Variants in FNBP1 observed in about 807,000 individuals in gnomAD.
The protein encoded by FNBP1 is formin binding protein 1.
FNBP1 carries 26 observed loss-of-function variants against 90.6 expected under a neutral mutation model. The ratio of observed to expected loss-of-function variants is 0.29; its 90% CI spans 0.21 to 0.40. The LOEUF (loss-of-function observed/expected upper bound fraction) is 0.40. Ranked by LOEUF, FNBP1 falls within the 10% of genes least tolerant of loss-of-function variation. The pLI is 1.00. For synonymous variants in FNBP1, 260 were observed against 265.2 expected, an observed-to-expected ratio of 0.98 and a Z score of 0.19; for missense variants, 635 against 768.0, an observed-to-expected ratio of 0.83 and a Z score of 2.05.
intron 1 of FNBP1, among the ~76,000 whole-genome samples, chr9:130,007,650 C>T (rs191081530): frequency 3.9e-5 from 6 of 152,214 alleles, no homozygotes; most frequent in South Asian, 2.1e-4. Context: ...TCTACGGATG[C>T]GGTAAAAGCA....
At chr9:129,981,690 C>T (rs764104174) in intron 2 of FNBP1, among the ~76,000 whole-genome samples, 17 of 151,926 alleles carry the variant, frequency 1.1e-4, no homozygotes, top group Non-Finnish European at 1.0e-4. Context: ...ACCATGTGCC[C>T]GGACAGCATG....
chr9:129,927,087 AG>A, intron 8 of FNBP1, 107 bp downstream of exon 8: 1 of 1,149,268 alleles, frequency 8.7e-7, no homozygotes, highest in Admixed American at 2.0e-5. Context: ...GACCACCAAA[AG>A]CAACCATCCA....
chr9:129,938,050 G>A (rs1264786288), intron 6 of FNBP1, among the ~76,000 whole-genome samples: 2 of 152,018 alleles, frequency 1.3e-5, no homozygotes, highest in Non-Finnish European at 2.9e-5. Flanking sequence ...TGTAGTCCCT[G>A]CTCCTAGGAG....
chr9:129,964,861 C>CA (rs11397527), intron 4 of FNBP1, among the ~76,000 whole-genome samples: 134,455 of 145,212 alleles, frequency 0.93, 62,309 homozygotes, highest in East Asian at 0.98. Context: ...ACAGCCCTTT[C>CA]AAAAAAAAAA....
rs1413674903 is a variant in FNBP1 at position 130,041,500 on chromosome 9, G to A, written c.24+1452C>T. ...CTAAAGAGAGCTAAAGGGAGTGGAA[G>A]GATTAGAAGAGGAAAGAAACTTCAA... is the stretch of plus-strand genomic sequence containing the variant. On this transcript the variant is annotated intron_variant, in intron 1 of 16. Transcript: ENST00000446176. The surrounding 1 kb of genome is among the most constrained non-coding windows in gnomAD (Gnocchi z 4.3). Among the ~76,000 whole-genome samples, 1 of 152,298 alleles carries A rather than the reference G, an allele frequency of 6.6e-6. No homozygotes were observed. The highest frequency in any genetic ancestry group is 2.1e-4 in the South Asian group (1 of 4,832).
chr9:129,925,125 T>C lies in FNBP1; in HGVS notation c.822A>G (p.Ser274=), dbSNP rs1161083190. The C allele has an allele frequency of 6.2e-7, 1 of 1,613,598 alleles. No individual in the cohort carries two copies. Among genetic ancestry groups the C allele is most frequent in the Admixed American group, 1.7e-5 (1 of 59,932 alleles). The change falls in exon 9 of 17, where the codon TCA becomes TCG. Residue 274 remains serine, a synonymous_variant. Coordinates refer to ENST00000446176, the MANE Select transcript of FNBP1 (RefSeq NM_015033.3). ...CAATGTCTCCAGGAGGCTCAAACCCTGATTTATAAGCTTCTATTACCAGCT... is the reference window on the plus strand; with the variant it reads ...CAATGTCTCCAGGAGGCTCAAACCCCGATTTATAAGCTTCTATTACCAGCT... ...DSQLVIEAYK[S]GFEPPGDIEF...
At chr9:129,995,442 T>A (rs1006087141) in intron 1 of FNBP1, among the ~76,000 whole-genome samples, 2 of 152,166 alleles carry the variant, frequency 1.3e-5, no homozygotes, top group Admixed American at 1.3e-4. Context: ...CTTCCAAACA[T>A]ACACCAAACC....
At chr9:129,905,188 C>T (rs1301750994) in intron 12 of FNBP1, among the ~76,000 whole-genome samples, 1 of 151,512 alleles carries the variant, frequency 6.6e-6, no homozygotes, top group Non-Finnish European at 1.5e-5. Context: ...TTTAGCTTCT[C>T]TCCTCCCAGT....
chr9:130,009,878 C>T (rs1160561921), intron 1 of FNBP1, among the ~76,000 whole-genome samples: 1 of 150,916 alleles, frequency 6.6e-6, no homozygotes, highest in Non-Finnish European at 1.5e-5. Flanking sequence ...ACTCAGGAGG[C>T]TGAGGCAAGA....
intron 6 of FNBP1, among the ~76,000 whole-genome samples, chr9:129,943,107 C>G (rs1414998520): frequency 1.3e-5 from 2 of 152,164 alleles, no homozygotes; most frequent in Non-Finnish European, 2.9e-5. Flanking sequence ...TCCCTCAGTG[C>G]CCTGGATGAA....
intron 1 of FNBP1, among the ~76,000 whole-genome samples, chr9:130,037,593 A>C (rs144517592): frequency 0.01 from 1,553 of 152,346 alleles, 32 homozygotes; most frequent in African/African-American, 0.036. Flanking sequence ...ATGCCTAAGT[A>C]GAATGAACAA....
At chr9:129,891,640 C>A (rs547676381) in intron 16 of FNBP1, among the ~76,000 whole-genome samples, 2 of 152,244 alleles carry the variant, frequency 1.3e-5, no homozygotes, top group African/African-American at 2.4e-5. Context: ...GTGAAAAGCT[C>A]TTCATCTCAA....
rs1376558374 is a variant in FNBP1, at chr9:129,957,663, C to T, written c.409-199G>A. 6.6e-6 allele frequency among the ~76,000 whole-genome samples: 1 copy of T among 152,084 alleles called. No homozygotes were observed. Among genetic ancestry groups the T allele is most frequent in the Non-Finnish European group, 1.5e-5 (1 of 68,002 alleles). ...ACCTTCCCGGCTCAGGTGATCCTCCCACCTCAGCCTCACTAGCTGCTGTGA... is the reference window on the plus strand; with the variant it reads ...ACCTTCCCGGCTCAGGTGATCCTCCTACCTCAGCCTCACTAGCTGCTGTGA... On this transcript the variant is annotated intron_variant, in intron 5 of 16. Transcript: ENST00000446176. This position sits in a 1 kb window ranked among gnomAD's most constrained non-coding sequence, Gnocchi z 4.3.
intron 1 of FNBP1, among the ~76,000 whole-genome samples, chr9:130,040,898 C>G (rs1054865941): frequency 1.2e-4 from 19 of 152,042 alleles, no homozygotes; most frequent in Non-Finnish European, 2.1e-4. Flanking sequence ...CTCCCATCTA[C>G]TAACAACCCA....
intron 1 of FNBP1, among the ~76,000 whole-genome samples, chr9:130,011,984 C>T (rs1442734722): frequency 6.6e-6 from 1 of 152,166 alleles, no homozygotes; most frequent in Admixed American, 6.6e-5. Context: ...GGAATAGTAG[C>T]CACACCAGAT....
chr9:129,985,961 C>CAAAAAAA (rs898462142), intron 2 of FNBP1, among the ~76,000 whole-genome samples: 1 of 45,130 alleles, frequency 2.2e-5, no homozygotes, highest in Non-Finnish European at 4.1e-5. Flanking sequence ...AGCTCCATCT[C>CAAAAAAA]AAAAAAAAAA....
chr9:130,026,282 T>G (rs1217541805), intron 1 of FNBP1, among the ~76,000 whole-genome samples: 1 of 151,808 alleles, frequency 6.6e-6, no homozygotes, highest in Non-Finnish European at 1.5e-5. Context: ...TCATCTGAGG[T>G]CAGGAGTACG....
intron 6 of FNBP1, among the ~76,000 whole-genome samples, chr9:129,956,457 TAATA>T (rs1331138716): frequency 3.3e-5 from 5 of 152,152 alleles, no homozygotes; most frequent in African/African-American, 1.2e-4. Flanking sequence ...TTGATGACTT[TAATA>T]AAAATAAAAT....
intron 1 of FNBP1, among the ~76,000 whole-genome samples, chr9:130,023,036 C>T (rs753020002): frequency 4.6e-5 from 7 of 151,798 alleles, no homozygotes; most frequent in Admixed American, 6.6e-5. Context: ...AAGAATGAGG[C>T]GGCTAAGGAA....
Sources: allele counts gnomAD v4.1 joint callset (sites outside exome capture counted in the v4.1 genomes callset), GRCh38; gene constraint gnomAD v4.1.1; non-coding constraint Gnocchi (gnomAD v3.1); transcripts MANE v1.5; gene names NCBI Gene and HGNC (gene_info 2026-07-23, HGNC 2026-07-21).